The following DCDC1 variants were observed in gnomAD, a reference collection of about 807,000 sequenced individuals.
The protein encoded by DCDC1 is doublecortin domain-containing protein 1.
A neutral mutation model predicts 178.3 loss-of-function variants in DCDC1; 200 were observed. That is an observed-to-expected ratio of 1.12 (90% confidence interval 1.00 to 1.26). The LOEUF is 1.26. Ranked by LOEUF, DCDC1 falls within the 50% of genes most tolerant of loss-of-function variation. The pLI is 0.00. For missense variants in DCDC1, 1,983 were observed against 1,749.2 expected (o/e 1.13, Z -2.38); for synonymous variants, 690 against 604.8 (o/e 1.14, Z -2.07).
intron 12 of DCDC1, among the ~76,000 whole-genome samples, chr11:31,109,728 T>C (rs936819918): frequency 1.3e-5 from 2 of 152,168 alleles, no homozygotes; most frequent in Non-Finnish European, 2.9e-5. Flanking sequence ...TTCAGTGTCC[T>C]TTTATGCAAG....
chr11:31,013,412 C>T (rs952765115), intron 20 of DCDC1, among the ~76,000 whole-genome samples: 23 of 152,206 alleles, frequency 1.5e-4, no homozygotes, highest in African/African-American at 5.1e-4. Flanking sequence ...CCCAGTGTAA[C>T]GCAACATGTC....
chr11:31,324,385 G>A (rs1374750348), intron 3 of DCDC1, among the ~76,000 whole-genome samples: 1 of 151,828 alleles, frequency 6.6e-6, no homozygotes, highest in Non-Finnish European at 1.5e-5. Context: ...TTTAAAACTG[G>A]GGGGCTTATA....
chr11:31,265,169 T>C (rs1228655962), intron 8 of DCDC1, among the ~76,000 whole-genome samples: 7 of 152,168 alleles, frequency 4.6e-5, no homozygotes, highest in Non-Finnish European at 1.0e-4. Flanking sequence ...TATCTGATCA[T>C]ACAGTAATGC....
chr11:31,168,657 C>A (rs1258201959), intron 9 of DCDC1, among the ~76,000 whole-genome samples: 2 of 152,168 alleles, frequency 1.3e-5, no homozygotes, highest in African/African-American at 4.8e-5. Flanking sequence ...AGTTGCGCTG[C>A]TTCTTCACTT....
At chr11:31,012,025 G>T (rs1157468647) in intron 20 of DCDC1, among the ~76,000 whole-genome samples, 1 of 151,988 alleles carries the variant, frequency 6.6e-6, no homozygotes, top group Middle Eastern at 3.2e-3. Context: ...CACAAGATTT[G>T]GTTGTTTAAA....
intron 1 of DCDC1, among the ~76,000 whole-genome samples, chr11:31,340,847 T>C (rs1950507687): frequency 6.6e-6 from 1 of 151,676 alleles, no homozygotes; most frequent in African/African-American, 2.4e-5. Context: ...TTAATCTTCC[T>C]CTCTCTCTCT....
chr11:31,095,733 A>G (rs1958109208), intron 15 of DCDC1, among the ~76,000 whole-genome samples: 1 of 152,182 alleles, frequency 6.6e-6, no homozygotes, highest in Non-Finnish European at 1.5e-5. Flanking sequence ...ACCTTCTAGC[A>G]TTGCTCACTT....
intron 20 of DCDC1, among the ~76,000 whole-genome samples, chr11:31,030,573 T>C (rs1292358122): frequency 6.6e-6 from 1 of 152,152 alleles, no homozygotes; most frequent in Non-Finnish European, 1.5e-5. Context: ...CTGAGCATGG[T>C]ACACGCGCTT....
Position 31,089,998 on chromosome 11 carries a change from G to A in DCDC1, c.2237+1395C>T, listed in dbSNP as rs75770271. On this transcript the variant is annotated intron_variant, in intron 17 of 38. Transcript: ENST00000684477. ...CTCTGGCTCCCTGTTCCATAGTTTC[G>A]CATTGGCATTGGCATTGGCATTGCA... Among the ~76,000 whole-genome samples the A allele has an allele frequency of 2.2e-3, 336 of 152,130 alleles. 1 individual carries two copies. Among genetic ancestry groups the A allele is most frequent in the African/African-American group, 7.2e-3 (298 of 41,498 alleles).
At chr11:31,181,663 T>C (rs902202063) in intron 9 of DCDC1, among the ~76,000 whole-genome samples, 11 of 151,834 alleles carry the variant, frequency 7.2e-5, no homozygotes, top group Admixed American at 7.2e-4. Flanking sequence ...AAGAAAGAAA[T>C]AGTATCAACA....
intron 36 of DCDC1, among the ~76,000 whole-genome samples, chr11:30,888,676 C>G (rs903826350): frequency 7.9e-5 from 12 of 152,186 alleles, no homozygotes; most frequent in Non-Finnish European, 1.5e-4. Context: ...AAGATAGCGC[C>G]ATTGCACTCC....
At chr11:31,335,214 C>T (rs564727726) in intron 2 of DCDC1, among the ~76,000 whole-genome samples, 4 of 152,200 alleles carry the variant, frequency 2.6e-5, no homozygotes, top group East Asian at 1.9e-4. Flanking sequence ...GAAGCAGGTG[C>T]GGGATATAAT....
At chr11:31,009,350 G>A (rs917632107) in intron 20 of DCDC1, among the ~76,000 whole-genome samples, 3 of 151,930 alleles carry the variant, frequency 2.0e-5, no homozygotes, top group Non-Finnish European at 4.4e-5. Context: ...TGGCCTCAAA[G>A]ATATATTAGT....
intron 1 of DCDC1, among the ~76,000 whole-genome samples, chr11:31,338,533 G>A (rs1445387968): frequency 6.6e-6 from 1 of 152,204 alleles, no homozygotes; most frequent in African/African-American, 2.4e-5. Context: ...TAAACTGTTA[G>A]ATGTTCACTA....
intron 20 of DCDC1, among the ~76,000 whole-genome samples, chr11:30,968,695 TTATATATATATCAAATTATATATATA>T (rs1215081204): frequency 4.3e-5 from 3 of 69,638 alleles, no homozygotes; most frequent in Non-Finnish European, 9.3e-5. Context: ...ATATATCAAA[TTATATATATATCAAATTATATATATA>T]TATATATATA....
intron 15 of DCDC1, among the ~76,000 whole-genome samples, chr11:31,094,601 G>T (rs1451350002): frequency 6.6e-6 from 1 of 152,116 alleles, no homozygotes; most frequent in Non-Finnish European, 1.5e-5. Context: ...TGTAAAGCAG[G>T]CCTTGAAGGA....
At chr11:31,134,101 G>A (rs1256676877) in intron 10 of DCDC1, among the ~76,000 whole-genome samples, 1 of 152,220 alleles carries the variant, frequency 6.6e-6, no homozygotes, top group Non-Finnish European at 1.5e-5. Flanking sequence ...GGTACCTTAT[G>A]TGCTGCTTTT....
At chr11:31,175,699 T>C (rs1967921748) in intron 9 of DCDC1, among the ~76,000 whole-genome samples, 1 of 152,188 alleles carries the variant, frequency 6.6e-6, no homozygotes, top group Non-Finnish European at 1.5e-5. Context: ...TGTGTGCAGC[T>C]TGACAATCAG....
chr11:30,969,913 GTA>G, intron 20 of DCDC1, among the ~76,000 whole-genome samples: 1 of 152,290 alleles, frequency 6.6e-6, no homozygotes, highest in East Asian at 1.9e-4. Context: ...TTGACTAGAG[GTA>G]TCTGGTATTT....
Sources: allele counts gnomAD v4.1 joint callset (sites outside exome capture counted in the v4.1 genomes callset), GRCh38; gene constraint gnomAD v4.1.1; transcripts MANE v1.5; gene names NCBI Gene and HGNC (gene_info 2026-07-23, HGNC 2026-07-21).